RAD51B: variants seen among roughly 807,000 people sequenced by gnomAD.
The protein encoded by RAD51B is RAD51 paralog B, also known as DNA repair protein RAD51 homolog 2.
RAD51B carries 38 observed loss-of-function variants against 42.2 expected under a neutral mutation model. The ratio of observed to expected loss-of-function variants is 0.90; its 90% CI spans 0.70 to 1.18. RAD51B has a LOEUF of 1.18. RAD51B is among the 50% of genes most tolerant of loss of function. The probability of loss-of-function intolerance (pLI) is 0.00; values close to 1 mark genes in which losing one functional copy is unlikely to be tolerated. For missense variants in RAD51B, 373 were observed against 400.7 expected, an observed-to-expected ratio of 0.93 and a Z score of 0.59; for synonymous variants, 154 against 145.2, an observed-to-expected ratio of 1.06 and a Z score of -0.43.
intron 10 of RAD51B, among the ~76,000 whole-genome samples, chr14:68,608,301 C>T (rs1008216905): frequency 1.3e-5 from 2 of 152,178 alleles, no homozygotes; most frequent in African/African-American, 2.4e-5. Flanking sequence ...GCGAGTGGGG[C>T]GTCCAGCTGT....
At chr14:68,190,121 T>C (rs1018867470) in intron 7 of RAD51B, among the ~76,000 whole-genome samples, 3 of 152,204 alleles carry the variant, frequency 2.0e-5, no homozygotes, top group Non-Finnish European at 2.9e-5. Context: ...GGAAATGATA[T>C]TTATGCATGT....
chr14:67,995,760 G>T, intron 7 of RAD51B, among the ~76,000 whole-genome samples: 1 of 151,916 alleles, frequency 6.6e-6, no homozygotes, highest in East Asian at 2.0e-4. Context: ...TGGGACTACA[G>T]GCGCCCGCCA....
chr14:68,139,825 A>C (rs1372688656), intron 7 of RAD51B, among the ~76,000 whole-genome samples: 1 of 152,228 alleles, frequency 6.6e-6, no homozygotes, highest in Non-Finnish European at 1.5e-5. Flanking sequence ...GGCACTAGGC[A>C]CCCTCAGATA....
At chr14:68,048,000 G>T (rs1215432159) in intron 7 of RAD51B, among the ~76,000 whole-genome samples, 1 of 152,118 alleles carries the variant, frequency 6.6e-6, no homozygotes, top group Non-Finnish European at 1.5e-5. Flanking sequence ...CAGAAGAAAG[G>T]CTGCTTTGAA....
At chr14:68,201,545 C>G (rs1704060956) in intron 7 of RAD51B, among the ~76,000 whole-genome samples, 1 of 152,210 alleles carries the variant, frequency 6.6e-6, no homozygotes, top group Non-Finnish European at 1.5e-5. Flanking sequence ...CATCTTAGGA[C>G]ATAGGCTGTA....
chr14:68,075,038 TC>T (rs1252745879), intron 7 of RAD51B, among the ~76,000 whole-genome samples: 2 of 152,158 alleles, frequency 1.3e-5, no homozygotes, highest in African/African-American at 4.8e-5. Context: ...GGCTTTGTGC[TC>T]CCTCCCAAGC....
At chr14:68,265,803 T>C (rs1187049194) in intron 7 of RAD51B, among the ~76,000 whole-genome samples, 1 of 152,078 alleles carries the variant, frequency 6.6e-6, no homozygotes, top group African/African-American at 2.4e-5. Context: ...TATAATAATA[T>C]GATAAATGCT....
intron 8 of RAD51B, among the ~76,000 whole-genome samples, chr14:68,356,555 A>G (rs1024586581): frequency 6.6e-6 from 1 of 152,246 alleles, no homozygotes; most frequent in East Asian, 1.9e-4. Context: ...GCTAAAAAAA[A>G]AAATGCTAGG....
chr14:67,855,584 A>C (rs181959505), intron 4 of RAD51B, among the ~76,000 whole-genome samples: 47 of 152,270 alleles, frequency 3.1e-4, no homozygotes, highest in Admixed American at 1.8e-3. Context: ...TGTGGCCTAC[A>C]TGATCACAGG....
intron 10 of RAD51B, among the ~76,000 whole-genome samples, chr14:68,603,367 G>A (rs972710699): frequency 1.3e-5 from 2 of 152,186 alleles, no homozygotes; most frequent in African/African-American, 2.4e-5. Flanking sequence ...CAGGAAGGGT[G>A]GAAATAGCTC....
chr14:67,886,608 A>T (rs1029222428), intron 6 of RAD51B: 1 of 229,582 alleles, frequency 4.4e-6, no homozygotes, highest in African/African-American at 2.2e-5. Context: ...GTAGTCTTTT[A>T]TAACCCACAC....
chr14:68,410,894 T>G (rs1046513933), intron 8 of RAD51B, among the ~76,000 whole-genome samples: 1 of 152,046 alleles, frequency 6.6e-6, no homozygotes, highest in Non-Finnish European at 1.5e-5. Flanking sequence ...ACAGCTTACC[T>G]ATGAAATGCT....
intron 11 of RAD51B, among the ~76,000 whole-genome samples, chr14:68,680,900 CT>C (rs1018156345): frequency 1.3e-5 from 2 of 151,722 alleles, no homozygotes; most frequent in Non-Finnish European, 2.9e-5. Flanking sequence ...TGAGAAATGG[CT>C]TTTTTTAGGC....
chr14:67,884,550 C>G (rs965202880), intron 5 of RAD51B, among the ~76,000 whole-genome samples: 1 of 152,148 alleles, frequency 6.6e-6, no homozygotes, highest in Non-Finnish European at 1.5e-5. Context: ...CAAAAATTTA[C>G]ACTTTTCCCC....
intron 7 of RAD51B, among the ~76,000 whole-genome samples, chr14:68,272,935 C>T (rs370626386): frequency 8.6e-5 from 13 of 151,450 alleles, no homozygotes; most frequent in African/African-American, 2.9e-4. Context: ...CCGCCTGCCT[C>T]GGCCTCCCAA....
At chr14:68,218,445 A>C (rs2079858842) in intron 7 of RAD51B, among the ~76,000 whole-genome samples, 1 of 152,222 alleles carries the variant, frequency 6.6e-6, no homozygotes, top group Non-Finnish European at 1.5e-5. Flanking sequence ...GGCTATCAGT[A>C]GTATTTTTGA....
At chr14:68,443,881 G>T (rs996491903) in intron 9 of RAD51B, among the ~76,000 whole-genome samples, 4 of 151,732 alleles carry the variant, frequency 2.6e-5, no homozygotes, top group African/African-American at 9.7e-5. Context: ...AAGAATAAAA[G>T]CTTCTCTAGT....
intron 5 of RAD51B, among the ~76,000 whole-genome samples, chr14:67,883,757 A>T (rs902462931): frequency 1.3e-5 from 2 of 152,110 alleles, no homozygotes; most frequent in Non-Finnish European, 2.9e-5. Flanking sequence ...TTTAAACCCT[A>T]TGAGGTAAGG....
At chr14:67,825,030 A>T in intron 2 of RAD51B, among the ~76,000 whole-genome samples, 1 of 137,168 alleles carries the variant, frequency 7.3e-6, no homozygotes, top group Non-Finnish European at 1.5e-5. Flanking sequence ...GTGAGCCGAG[A>T]TCGTGCCACT....
Sources: allele counts gnomAD v4.1 joint callset (sites outside exome capture counted in the v4.1 genomes callset), GRCh38; gene constraint gnomAD v4.1.1; transcripts MANE v1.5; gene names NCBI Gene and HGNC (gene_info 2026-07-23, HGNC 2026-07-21).